The following PTPRN2 variants were observed in gnomAD, a reference collection of about 807,000 sequenced individuals.
PTPRN2 encodes receptor-type tyrosine-protein phosphatase N2.
PTPRN2 carries 74 observed loss-of-function variants against 118.8 expected under a neutral mutation model. The observed-to-expected ratio is 0.62, with a 90% CI of 0.52 to 0.76. The LOEUF (loss-of-function observed/expected upper bound fraction) is 0.76, where lower values mean the gene tolerates loss of function less well. Among genes scored for constraint, PTPRN2 ranks in the 30% least tolerant of loss-of-function variants. PTPRN2 has a pLI of 0.00. For missense variants in PTPRN2, 1,481 were observed against 1,394.4 expected (o/e 1.06, Z -0.99); for synonymous variants, 641 against 608.0 (o/e 1.05, Z -0.80).
chr7:158,560,057 G>C (rs778223467), intron 1 of PTPRN2, among the ~76,000 whole-genome samples: 9 of 152,204 alleles, frequency 5.9e-5, no homozygotes, highest in Non-Finnish European at 7.3e-5. Flanking sequence ...TGAACTTGAT[G>C]ATTCTAACCA....
intron 11 of PTPRN2, among the ~76,000 whole-genome samples, chr7:158,055,641 A>G (rs1046119563): frequency 6.6e-6 from 1 of 152,242 alleles, no homozygotes; most frequent in Non-Finnish European, 1.5e-5. Context: ...ATATGCAGAA[A>G]TAATGGCGTA....
chr7:157,654,684 A>C (rs562800451), intron 14 of PTPRN2, among the ~76,000 whole-genome samples: 1 of 152,330 alleles, frequency 6.6e-6, no homozygotes, highest in South Asian at 2.1e-4. Context: ...ATTCCAGCAG[A>C]AGTGGTGCTT....
intron 6 of PTPRN2, among the ~76,000 whole-genome samples, chr7:158,146,788 C>A (rs1333006240): frequency 3.3e-5 from 4 of 122,994 alleles, no homozygotes; most frequent in Non-Finnish European, 5.4e-5. Context: ...TTGAGGGCTA[C>A]AACATTGTTC....
intron 12 of PTPRN2, among the ~76,000 whole-genome samples, chr7:157,726,892 G>C (rs961961274): frequency 2.0e-5 from 3 of 152,164 alleles, no homozygotes; most frequent in African/African-American, 7.2e-5. Context: ...ATGACCTCAG[G>C]CACAGGCAGA....
chr7:157,567,047 A>C (rs1256126938), intron 21 of PTPRN2, among the ~76,000 whole-genome samples: 1 of 152,240 alleles, frequency 6.6e-6, no homozygotes, highest in Non-Finnish European at 1.5e-5. Flanking sequence ...TTAAGAGAAG[A>C]AAAATCTTTG....
At chr7:157,614,031 G>A (rs1363178184) in intron 15 of PTPRN2, 10 of 471,272 alleles carry the variant, frequency 2.1e-5, no homozygotes, top group Non-Finnish European at 4.0e-5. Flanking sequence ...GCAACGGGAT[G>A]CCTTGGAAAG....
intron 12 of PTPRN2, among the ~76,000 whole-genome samples, chr7:157,737,456 G>A (rs1585343294): frequency 6.6e-6 from 1 of 152,242 alleles, no homozygotes; most frequent in South Asian, 2.1e-4. Context: ...CTCTCTGGCC[G>A]GGCAGCCTCA....
At chr7:157,692,619 C>A (rs1214313628) in intron 12 of PTPRN2, among the ~76,000 whole-genome samples, 1 of 152,230 alleles carries the variant, frequency 6.6e-6, no homozygotes. Context: ...CTTCATAAAG[C>A]TCCAGGGCAA....
At position 157,964,300 on chromosome 7, in the gene PTPRN2, G is replaced by C. The variant is rs547359903; in HGVS notation, c.1724-65563C>G. Among the ~76,000 whole-genome samples the C allele has an allele frequency of 4.1e-4, 63 of 152,240 alleles. No homozygotes were observed. Among genetic ancestry groups the C allele is most frequent in the African/African-American group, 1.5e-3 (62 of 41,540 alleles). The stretch of plus-strand genomic sequence containing the variant: ...GCCCCACACGCACAGAGGATCACTG[G>C]GGGCGATGTAGAGATGTGGAAGCTG... On this transcript the variant is annotated intron_variant, in intron 11 of 22. Coordinates refer to ENST00000389418, the MANE Select transcript of PTPRN2 (RefSeq NM_002847.5). This position sits in a 1 kb window ranked among gnomAD's most constrained non-coding sequence, Gnocchi z 9.0.
Position 157,615,250 on chromosome 7 carries a change from T to C in PTPRN2, c.2344+6112A>G, listed in dbSNP as rs773838284. The C allele has an allele frequency of 3.7e-5, 13 of 347,732 alleles. No homozygotes were observed. The highest frequency in any genetic ancestry group is 5.2e-5 in the Non-Finnish European group (9 of 173,752). The allele number at this position is 347,732 out of a possible 1,614,324, so 21.5% of individuals were successfully genotyped here. A position where few individuals can be genotyped will look rare whatever the true frequency, so the allele number is the denominator to read the frequency against. On this transcript the variant is annotated intron_variant, in intron 15 of 22. Coordinates refer to ENST00000389418, the MANE Select transcript of PTPRN2 (RefSeq NM_002847.5). This position sits in a 1 kb window ranked among gnomAD's most constrained non-coding sequence, Gnocchi z 4.3. ...TAATAAAAAGTGGGGGAGGAAGTCATGCTAAGCCAGCCACACTTCTGCTCC... is the reference window on the plus strand; with the variant it reads ...TAATAAAAAGTGGGGGAGGAAGTCACGCTAAGCCAGCCACACTTCTGCTCC...
At chr7:157,636,294 A>G (rs1384850130) in intron 14 of PTPRN2, among the ~76,000 whole-genome samples, 3 of 152,248 alleles carry the variant, frequency 2.0e-5, no homozygotes, top group Non-Finnish European at 4.4e-5. Flanking sequence ...AATTAATTAC[A>G]CAGTTAATAA....
intron 4 of PTPRN2, among the ~76,000 whole-genome samples, chr7:158,202,549 C>T (rs948080030): frequency 2.0e-5 from 3 of 152,144 alleles, no homozygotes; most frequent in African/African-American, 7.2e-5. Flanking sequence ...AAGCCAGAGG[C>T]CCAGAGGACC....
intron 10 of PTPRN2, among the ~76,000 whole-genome samples, chr7:158,106,236 G>A (rs925160358): frequency 4.0e-5 from 6 of 151,684 alleles, no homozygotes; most frequent in African/African-American, 1.2e-4. Context: ...TAGCTTCCCC[G>A]CAGCTCCCTC....
chr7:158,196,698 G>T lies in PTPRN2; in HGVS notation c.381-4203C>A, dbSNP rs189682390. ...TGGGGCCCTGCCCACGGCTAGTGAG[G>T]ATCTTGGGGGACTTCAATCCAGTGC... is the stretch of plus-strand genomic sequence containing the variant. On this transcript the variant is annotated intron_variant, in intron 4 of 22. Transcript: ENST00000389418. Among the ~76,000 whole-genome samples, 144 of 152,292 alleles carry T rather than the reference G, an allele frequency of 9.5e-4. 2 individuals carry two copies. Among genetic ancestry groups the T allele is most frequent in the African/African-American group, 3.5e-3 (144 of 41,564 alleles).
intron 12 of PTPRN2, among the ~76,000 whole-genome samples, chr7:157,741,961 A>AAT (rs1800657172): frequency 6.6e-6 from 1 of 152,222 alleles, no homozygotes; most frequent in African/African-American, 2.4e-5. Flanking sequence ...CGAACCAATA[A>AAT]ATGAATGTGT....
intron 2 of PTPRN2, among the ~76,000 whole-genome samples, chr7:158,393,917 C>T (rs1399995031): frequency 6.6e-6 from 1 of 152,068 alleles, no homozygotes; most frequent in Non-Finnish European, 1.5e-5. Context: ...CAAACCCAAA[C>T]CCCAAGGACA....
chr7:157,928,409 G>T (rs930769174), intron 11 of PTPRN2, among the ~76,000 whole-genome samples: 9 of 152,184 alleles, frequency 5.9e-5, no homozygotes, highest in Non-Finnish European at 1.2e-4. Flanking sequence ...GGGTTTAGGG[G>T]GCTGGGGCCA....
intron 11 of PTPRN2, among the ~76,000 whole-genome samples, chr7:157,983,368 T>C (rs11765088): frequency 0.82 from 113,742 of 139,124 alleles, 46,463 homozygotes; most frequent in East Asian, 0.85. Context: ...CCCCGAGTCA[T>C]AGAGATGAGG....
At chr7:157,776,155 T>A (rs1172400814) in intron 12 of PTPRN2, among the ~76,000 whole-genome samples, 2 of 136,926 alleles carry the variant, frequency 1.5e-5, no homozygotes, top group East Asian at 5.2e-4. Flanking sequence ...CCTCTCCTTT[T>A]TCACCTCCTC....
Sources: gnomAD v4.1 joint callset for allele counts (sites outside exome capture counted in the v4.1 genomes callset) on GRCh38, gnomAD v4.1.1 for gene constraint, Gnocchi (gnomAD v3.1) non-coding constraint, MANE v1.5 for transcripts, NCBI Gene and HGNC (gene_info 2026-07-23, HGNC 2026-07-21) for gene names.